Variants in RWDD2B observed in about 807,000 individuals in gnomAD.
The protein encoded by RWDD2B is RWD domain-containing protein 2B.
In RWDD2B, 36 loss-of-function variants were observed where a neutral mutation model predicts 33.6. That is an observed-to-expected ratio of 1.07 (90% CI 0.82 to 1.42). The LOEUF is 1.42. Among genes scored for constraint, RWDD2B ranks in the 40% most tolerant of loss-of-function variants. The pLI, the probability that RWDD2B is intolerant of heterozygous loss-of-function variation, is 0.00. For synonymous variants in RWDD2B, 126 were observed against 133.1 expected (o/e 0.95, Z 0.37); for missense variants, 364 against 377.5 (o/e 0.96, Z 0.30).
chr21:29,011,009 G>C (rs1399488188), intron 1 of RWDD2B, among the ~76,000 whole-genome samples: 11 of 152,074 alleles, frequency 7.2e-5, no homozygotes, highest in Admixed American at 1.3e-4. Context: ...GCGTGATCTC[G>C]GCTCGCTACA....
At chr21:29,017,753 T>A (rs1342559522) in intron 1 of RWDD2B, among the ~76,000 whole-genome samples, 1 of 151,828 alleles carries the variant, frequency 6.6e-6, no homozygotes, top group Non-Finnish European at 1.5e-5. Flanking sequence ...TCTCCTAAGG[T>A]GACTGTAGGG....
intron 1 of RWDD2B, among the ~76,000 whole-genome samples, chr21:29,011,837 A>G (rs1601022070): frequency 9.6e-6 from 1 of 104,254 alleles, no homozygotes; most frequent in Non-Finnish European, 2.0e-5. Context: ...GGCCGCCCCT[A>G]CTGGGAAGTG....
Position 29,008,304 on chromosome 21 carries a change from TCG to T in RWDD2B, c.296_297del (p.Ala99AspfsTer11). Reference protein sequence around the residue: ...MNLDVSDEKMAMFSLACILPF... With the variant: ...MNLDVSDEKMXMFSLACILPF... The stretch of plus-strand genomic sequence containing the variant: ...GGAAGAATACAGGCCAGAGAAAACA[TCG>T]CCTGATTAAAGAGAAGAAGAAAAAG... On this transcript the variant is annotated frameshift_variant and splice_region_variant, in exon 3 of 5. Coordinates refer to ENST00000493196, the MANE Select transcript of RWDD2B (RefSeq NM_016940.3). LOFTEE classifies it high-confidence loss of function. 1 of 1,614,140 alleles carries T rather than the reference TCG, an allele frequency of 6.2e-7. No homozygotes were observed. The highest frequency in any genetic ancestry group is 8.5e-7 in the Non-Finnish European group (1 of 1,179,982).
chr21:29,015,322 C>T (rs2084884859), intron 1 of RWDD2B, among the ~76,000 whole-genome samples: 2 of 148,818 alleles, frequency 1.3e-5, no homozygotes, highest in South Asian at 2.2e-4. Context: ...CCTCCACCTC[C>T]CAGGTTCAAG....
At position 29,006,604 on chromosome 21, in the gene RWDD2B, T is replaced by C. The variant is rs138165174; in HGVS notation, c.773A>G (p.Asp258Gly). 4.3e-5 allele frequency: 70 copies of C among 1,611,000 alleles called. No individual in the cohort carries two copies. The highest frequency in any genetic ancestry group is 5.9e-5 in the Non-Finnish European group (70 of 1,179,170). ...ATCATTTGTACCATCAAAAGGAATGTCTTCTCGATGGCGAATTAAAATTCT... is the reference window on the plus strand; with the variant it reads ...ATCATTTGTACCATCAAAAGGAATGCCTTCTCGATGGCGAATTAAAATTCT... Reference protein sequence around the residue: ...WKRILIRHREDIPFDGTNDET... With the variant: ...WKRILIRHREGIPFDGTNDET... Residue 258 changes from aspartate (D) to glycine (G), a missense_variant, in exon 5 of 5, where the codon GAC (aspartate) becomes GGC (glycine). Asp to Gly is a moderately conservative substitution (Grantham distance 94, BLOSUM62 -1). Coordinates refer to ENST00000493196, the MANE Select transcript of RWDD2B (RefSeq NM_016940.3).
intron 1 of RWDD2B, among the ~76,000 whole-genome samples, chr21:29,014,697 T>C (rs1484938997): frequency 6.6e-6 from 1 of 152,120 alleles, no homozygotes; most frequent in Non-Finnish European, 1.5e-5. Context: ...GGCGGGCACC[T>C]GTAGTCCCAG....
At chr21:29,018,051 A>G (rs1284384381) in intron 1 of RWDD2B, among the ~76,000 whole-genome samples, 1 of 152,206 alleles carries the variant, frequency 6.6e-6, no homozygotes, top group East Asian at 1.9e-4. Context: ...ACTTGCTGCT[A>G]TGGAGAAAAG....
In RWDD2B at chr21:29,004,505, A is replaced by G. The variant is rs2084819387; in HGVS notation, c.*1912T>C. 6.6e-6 allele frequency: 1 copy of G among 152,274 alleles called. No homozygotes were observed. The highest frequency in any genetic ancestry group is 2.4e-5 in the African/African-American group (1 of 41,470). The allele number at this position is 152,274 out of a possible 1,614,324, so 9.4% of individuals were successfully genotyped here. A position where few individuals can be genotyped will look rare whatever the true frequency, so the allele number is the denominator to read the frequency against. On this transcript the variant is annotated 3_prime_UTR_variant, in exon 5 of 5. Coordinates refer to ENST00000493196, the MANE Select transcript of RWDD2B (RefSeq NM_016940.3). ...AGTTTAGCTGCCACTTTAGCTGCTTAAAGTAATATATGCATCATCTGCCCC... is the reference window on the plus strand; with the variant it reads ...AGTTTAGCTGCCACTTTAGCTGCTTGAAGTAATATATGCATCATCTGCCCC...
intron 1 of RWDD2B, among the ~76,000 whole-genome samples, chr21:29,012,924 C>T (rs1260846774): frequency 6.6e-6 from 1 of 151,960 alleles, no homozygotes; most frequent in African/African-American, 2.4e-5. Context: ...TTTACCAGTA[C>T]ATCTTATAAT....
intron 4 of RWDD2B, among the ~76,000 whole-genome samples, 165 bp from the exon 5 acceptor site, chr21:29,006,816 G>T (rs2084831228): frequency 6.6e-6 from 1 of 152,140 alleles, no homozygotes; most frequent in Non-Finnish European, 1.5e-5. Context: ...GTCTTGCTAT[G>T]TTGCTCATGC....
chr21:29,015,721 GGGTT>G (rs1202662376), intron 1 of RWDD2B, among the ~76,000 whole-genome samples: 1 of 151,962 alleles, frequency 6.6e-6, no homozygotes, highest in Non-Finnish European at 1.5e-5. Context: ...AGTAGAGAAA[GGGTT>G]TTATCATGTT....
intron 1 of RWDD2B, among the ~76,000 whole-genome samples, chr21:29,012,259 G>C (rs1020738796): frequency 3.3e-5 from 5 of 151,772 alleles, no homozygotes; most frequent in South Asian, 2.1e-4. Flanking sequence ...GCCACCACCC[G>C]GTCTGGGTGG....
rs1331579994 is a variant in RWDD2B at position 29,019,310 on chromosome 21, G to A, written c.-33C>T. 3 of 1,526,302 alleles carry A rather than the reference G, an allele frequency of 2.0e-6. No homozygotes were observed. Among genetic ancestry groups the A allele is most frequent in the East Asian group, 2.3e-5 (1 of 43,474 alleles). The allele number at this position is 1,526,302 out of a possible 1,614,324, so 94.5% of individuals were successfully genotyped here. The stretch of plus-strand genomic sequence containing the variant: ...GAGCCTCAAAATTCTAGCATACTGC[G>A]ACCCAAAACTTACAAACCGCCTCAG... On this transcript the variant is annotated 5_prime_UTR_variant, in exon 1 of 5. Coordinates refer to ENST00000493196, the MANE Select transcript of RWDD2B (RefSeq NM_016940.3).
chr21:29,010,850 G>A (rs2084854264), intron 1 of RWDD2B, among the ~76,000 whole-genome samples: 1 of 151,922 alleles, frequency 6.6e-6, no homozygotes, highest in Non-Finnish European at 1.5e-5. Flanking sequence ...GTATTTTTTT[G>A]GTGGAGACGG....
At chr21:29,007,291 C>A (rs150369810) in intron 4 of RWDD2B, among the ~76,000 whole-genome samples, 1 of 152,180 alleles carries the variant, frequency 6.6e-6, no homozygotes, top group Admixed American at 6.5e-5. Flanking sequence ...TGTCAGGTGA[C>A]GGGGAAAATG....
rs1418506395 is a variant in RWDD2B at position 29,006,103 on chromosome 21, G to C, written c.*314C>G. 4.9e-6 allele frequency: 1 copy of C among 205,940 alleles called. No homozygotes were observed. 12.8% of individuals were successfully genotyped at this position (205,940 alleles called of 1,614,324 possible). A position where few individuals can be genotyped will look rare whatever the true frequency, so the allele number is the denominator to read the frequency against. The stretch of plus-strand genomic sequence containing the variant: ...GGTTCTTTAGTGAAGGCAGGTAAGG[G>C]AGAAGGGGGTTGGGAATGGCTGGCA... On this transcript the variant is annotated 3_prime_UTR_variant, in exon 5 of 5. Transcript: ENST00000493196.
chr21:29,011,478 C>T (rs1601021629), intron 1 of RWDD2B, among the ~76,000 whole-genome samples: 1 of 150,896 alleles, frequency 6.6e-6, no homozygotes, highest in Non-Finnish European at 1.5e-5. Context: ...CCAGCAGCCA[C>T]CCCGTCTGGG....
rs1201314921 is a variant in RWDD2B at position 29,006,291 on chromosome 21, TC to T, written c.*125del. 5 of 593,498 alleles carry T rather than the reference TC, an allele frequency of 8.4e-6. No homozygotes were observed. The highest frequency in any genetic ancestry group is 1.5e-5 in the Non-Finnish European group (5 of 340,268). The allele number at this position is 593,498 out of a possible 1,614,324, so 36.8% of individuals were successfully genotyped here. A position where few individuals can be genotyped will look rare whatever the true frequency, so the allele number is the denominator to read the frequency against. On this transcript the variant is annotated 3_prime_UTR_variant, in exon 5 of 5. Coordinates refer to ENST00000493196, the MANE Select transcript of RWDD2B (RefSeq NM_016940.3). ...GATGCATTTCAGCTATACTATTTTT[TC>T]TTGTGCCCCACTCCCCAACATTCTA...
At chr21:29,011,880 C>T (rs1440695351) in intron 1 of RWDD2B, among the ~76,000 whole-genome samples, 7 of 120,012 alleles carry the variant, frequency 5.8e-5, no homozygotes, top group African/African-American at 1.9e-4. Flanking sequence ...CCGCCCCGTC[C>T]GGGAGGGAGG....
Sources: gnomAD v4.1 joint callset for allele counts (sites outside exome capture counted in the v4.1 genomes callset) on GRCh38, gnomAD v4.1.1 for gene constraint, MANE v1.5 for transcripts, NCBI Gene and HGNC (gene_info 2026-07-23, HGNC 2026-07-21) for gene names.